The following CCNH variants were observed in gnomAD, a reference collection of about 807,000 sequenced individuals.
The protein encoded by CCNH is cyclin H.
Under a neutral mutation model 41.9 loss-of-function variants are expected in CCNH, and 31 were observed. The observed-to-expected ratio is 0.74, with a 90% CI of 0.56 to 1.00. CCNH has a LOEUF of 1.00. Among genes scored for constraint, CCNH ranks in the 50% least tolerant of loss-of-function variants. The pLI is 0.00. For synonymous variants in CCNH, 138 were observed against 136.1 expected, an observed-to-expected ratio of 1.01 and a Z score of -0.10; for missense variants, 362 against 388.4, an observed-to-expected ratio of 0.93 and a Z score of 0.57.
At chr5:87,315,172 A>C (rs35148638), downstream of CCNH, among the ~76,000 whole-genome samples, 31,907 of 152,228 alleles carry the variant, frequency 0.21, 3,915 homozygotes, top group East Asian at 0.45. Context: ...CTTCAGTCTT[A>C]GTCCATTTTC....
downstream of CCNH, among the ~76,000 whole-genome samples, chr5:87,313,449 G>T (rs1402295842): frequency 6.6e-6 from 1 of 152,134 alleles, no homozygotes; most frequent in Non-Finnish European, 1.5e-5. Flanking sequence ...TCTCCAGTTT[G>T]GCTAGATACG....
chr5:87,362,548 C>T (rs1580354711), intron 9 of CCNH: 1 of 1,587,464 alleles, frequency 6.3e-7, no homozygotes, highest in South Asian at 1.1e-5. Flanking sequence ...TTTTAAAATT[C>T]AGGATCAAGA....
At chr5:87,359,190 T>A (rs1759884112) in intron 9 of CCNH, among the ~76,000 whole-genome samples, 1 of 152,168 alleles carries the variant, frequency 6.6e-6, no homozygotes, top group Non-Finnish European at 1.5e-5. Context: ...TTTCCTACAT[T>A]AAGTGACAAA....
chr5:87,411,489 T>C, intron 1 of CCNH, 143 bp from the exon 2 acceptor site: 1 of 670,456 alleles, frequency 1.5e-6, no homozygotes, highest in Non-Finnish European at 2.3e-6. Context: ...ATAGATTCGC[T>C]AATCATTACA....
chr5:87,402,440 G>T (rs758100884), intron 5 of CCNH, among the ~76,000 whole-genome samples: 4 of 152,106 alleles, frequency 2.6e-5, no homozygotes, highest in Non-Finnish European at 5.9e-5. Context: ...CAGTTACTCT[G>T]AAGTTTTACA....
intron 9 of CCNH, among the ~76,000 whole-genome samples, chr5:87,339,904 A>C (rs1758313846): frequency 6.6e-6 from 1 of 152,102 alleles, no homozygotes; most frequent in African/African-American, 2.4e-5. Context: ...CTAGTCTGTG[A>C]AGATGTTTCG....
At chr5:87,351,181 A>T (rs539033315) in intron 9 of CCNH, among the ~76,000 whole-genome samples, 30 of 140,926 alleles carry the variant, frequency 2.1e-4, no homozygotes, top group South Asian at 4.3e-4. Flanking sequence ...TCAGAGTTTT[A>T]AAAAAAAAAA....
At chr5:87,322,342 T>A (rs1756886487) in intron 9 of CCNH, among the ~76,000 whole-genome samples, 1 of 152,152 alleles carries the variant, frequency 6.6e-6, no homozygotes. Flanking sequence ...GCAAACCCTA[T>A]TGTGAACTCC....
chr5:87,371,011 A>C (rs1760897323), intron 9 of CCNH, among the ~76,000 whole-genome samples: 1 of 152,156 alleles, frequency 6.6e-6, no homozygotes, highest in Non-Finnish European at 1.5e-5. Flanking sequence ...GGTAGTGCTC[A>C]AAACATTTTG....
At position 87,330,736 on chromosome 5, in the gene CCNH, CAT is replaced by C. The variant is rs1439995261; in HGVS notation, c.*91-11841_*91-11840del. Among the ~76,000 whole-genome samples, 4 of 152,144 alleles carry C rather than the reference CAT, an allele frequency of 2.6e-5. 1 individual carries two copies. The highest frequency in any genetic ancestry group is 5.9e-5 in the Non-Finnish European group (4 of 68,014). On this transcript the variant is annotated intron_variant and NMD_transcript_variant, in intron 9 of 9. Coordinates refer to the CCNH transcript ENST00000645953. ...GACAAAGGTGCTATTTATTCTCCCA[CAT>C]GTTTGTTACATAAATTTGGAAAGTT...
downstream of CCNH, among the ~76,000 whole-genome samples, chr5:87,372,448 CG>C: frequency 6.6e-6 from 1 of 152,110 alleles, no homozygotes; most frequent in African/African-American, 2.4e-5. Context: ...ACAGCAGAAA[CG>C]GTTCTGTTGG....
At chr5:87,394,773 G>GAGAA (rs1762788122) in intron 8 of CCNH, 1 of 1,340,460 alleles carries the variant, frequency 7.5e-7, no homozygotes, top group African/African-American at 1.5e-5. Context: ...AAAATCCTTG[G>GAGAA]AGAATAAGAA....
At chr5:87,383,912 C>A in intron 9 of CCNH, 1 of 786,764 alleles carries the variant, frequency 1.3e-6, no homozygotes, top group South Asian at 1.8e-5. Flanking sequence ...TGAAGTATTC[C>A]AAAGCACCCT....
At chr5:87,338,096 GTT>G (rs750346527) in intron 9 of CCNH, 1 of 1,611,902 alleles carries the variant, frequency 6.2e-7, no homozygotes. Flanking sequence ...GAGGTGGTAA[GTT>G]TTGTTCTTTT....
chr5:87,372,991 A>G (rs1761059973), downstream of CCNH, among the ~76,000 whole-genome samples: 1 of 152,190 alleles, frequency 6.6e-6, no homozygotes, highest in Non-Finnish European at 1.5e-5. Flanking sequence ...GTATACACAC[A>G]ATCGCCATGT....
downstream of CCNH, chr5:87,389,505 G>A: frequency 6.2e-7 from 1 of 1,614,026 alleles, no homozygotes; most frequent in Non-Finnish European, 8.5e-7. Context: ...CGAACGCTCA[G>A]TAATGAGCGT....
At chr5:87,393,047 A>T (rs925353533), downstream of CCNH, 1 of 152,020 alleles carries the variant, frequency 6.6e-6, no homozygotes, top group Non-Finnish European at 1.5e-5. Flanking sequence ...TCACATCACG[A>T]ATTTTATTCC....
downstream of CCNH, among the ~76,000 whole-genome samples, chr5:87,313,906 G>A (rs1474829657): frequency 1.3e-5 from 2 of 152,166 alleles, no homozygotes; most frequent in Admixed American, 1.3e-4. Context: ...GGTGGCTCAT[G>A]CCTGCAATCC....
At chr5:87,333,168 T>G in intron 9 of CCNH, 1 of 1,511,854 alleles carries the variant, frequency 6.6e-7, no homozygotes, top group South Asian at 1.3e-5. Flanking sequence ...CCATGGAGTT[T>G]CTAATGTGAA....
Sources: gnomAD v4.1 joint callset for allele counts (sites outside exome capture counted in the v4.1 genomes callset) on GRCh38, gnomAD v4.1.1 for gene constraint, MANE v1.5 for transcripts, NCBI Gene and HGNC (gene_info 2026-07-23, HGNC 2026-07-21) for gene names.